VDAC1: variants seen among roughly 807,000 people sequenced by gnomAD.
VDAC1 encodes non-selective voltage-gated ion channel VDAC1.
A neutral mutation model predicts 34.7 loss-of-function variants in VDAC1; 10 were observed. The observed-to-expected ratio is 0.29, with a 90% confidence interval of 0.18 to 0.49. The LOEUF (loss-of-function observed/expected upper bound fraction) is 0.49, where lower values mean the gene tolerates loss of function less well. Among genes scored for constraint, VDAC1 ranks in the 20% least tolerant of loss-of-function variants. The pLI is 0.99. For missense variants in VDAC1, 230 were observed against 347.9 expected (o/e 0.66, Z 2.69); for synonymous variants, 130 against 136.0 (o/e 0.96, Z 0.30).
At chr5:133,995,921 C>T (rs1753284023) in intron 1 of VDAC1, among the ~76,000 whole-genome samples, 1 of 152,202 alleles carries the variant, frequency 6.6e-6, no homozygotes, top group Admixed American at 6.5e-5. Flanking sequence ...CCCTGGCCCC[C>T]ACCCCTCCCA....
At chr5:134,013,726 T>G in the VDAC1 span, among the ~76,000 whole-genome samples, 21 of 152,130 alleles carry the variant, frequency 1.4e-4, no homozygotes, top group African/African-American at 5.1e-4. Flanking sequence ...GCAGATCACC[T>G]GAGGTCAGGA....
the VDAC1 span, among the ~76,000 whole-genome samples, chr5:134,056,910 A>C: frequency 1.3e-5 from 2 of 151,132 alleles, no homozygotes; most frequent in Admixed American, 1.3e-4. Flanking sequence ...CGAACTCCTG[A>C]ACTCAGGTGA....
intron 1 of VDAC1, among the ~76,000 whole-genome samples, chr5:134,002,745 G>C (rs534326241): frequency 3.3e-5 from 5 of 152,196 alleles, no homozygotes; most frequent in African/African-American, 1.2e-4. Flanking sequence ...CGGGTGGATT[G>C]CTTGAGGCCA....
chr5:134,094,082 T>TG, the VDAC1 span, among the ~76,000 whole-genome samples: 10 of 151,990 alleles, frequency 6.6e-5, no homozygotes, highest in Non-Finnish European at 1.3e-4. Context: ...AGCGGTGAAG[T>TG]GGGGGGCGGT....
At chr5:134,111,065 G>A in the VDAC1 span, among the ~76,000 whole-genome samples, 2 of 152,128 alleles carry the variant, frequency 1.3e-5, no homozygotes, top group African/African-American at 2.4e-5. Flanking sequence ...GGTTCATCTC[G>A]ACTGCACTCC....
At chr5:133,984,946 A>T (rs1752852144) in intron 5 of VDAC1, among the ~76,000 whole-genome samples, 1 of 152,196 alleles carries the variant, frequency 6.6e-6, no homozygotes. Context: ...AAAAATAAAT[A>T]AATAAAAATT....
At chr5:134,083,499 C>T in the VDAC1 span, among the ~76,000 whole-genome samples, 2 of 152,164 alleles carry the variant, frequency 1.3e-5, no homozygotes, top group Non-Finnish European at 2.9e-5. Flanking sequence ...CAAGCCTATG[C>T]TTTTAAATGT....
At chr5:134,091,742 G>A in the VDAC1 span, among the ~76,000 whole-genome samples, 16 of 152,366 alleles carry the variant, frequency 1.1e-4, no homozygotes, top group South Asian at 6.2e-4. Context: ...CACTGACCAC[G>A]TGGGTCCTGA....
rs1034433960 is a variant in VDAC1, at chr5:133,987,549, A to G, written c.323+3306T>C. Among the ~76,000 whole-genome samples the G allele has an allele frequency of 1.5e-4, 22 of 149,826 alleles. No individual in the cohort carries two copies. In the South Asian group the frequency reaches 1.5e-3, roughly 10 times the overall value. On this transcript the variant is annotated intron_variant, in intron 5 of 8. Coordinates refer to ENST00000265333, the MANE Select transcript of VDAC1 (RefSeq NM_003374.3). The stretch of plus-strand genomic sequence containing the variant: ...AAAAATTAGCTGGGCTTGGTGGCAC[A>G]CGCCTGTGGTCCCAGCTACTTGGGA...
At chr5:134,017,452 A>T in the VDAC1 span, among the ~76,000 whole-genome samples, 1 of 151,328 alleles carries the variant, frequency 6.6e-6, no homozygotes. Flanking sequence ...GCGAAACTCC[A>T]TCTCAAAAAA....
chr5:133,991,294 T>C (rs1393661175), intron 3 of VDAC1, 140 bp from the exon 4 acceptor site: 10 of 1,060,878 alleles, frequency 9.4e-6, no homozygotes, highest in South Asian at 6.4e-5. Context: ...ACAATTCAAA[T>C]AGATATTTAA....
the VDAC1 span, among the ~76,000 whole-genome samples, chr5:134,050,742 T>C: frequency 2.0e-5 from 3 of 152,322 alleles, no homozygotes; most frequent in Non-Finnish European, 4.4e-5. Context: ...AAGTGGAATA[T>C]TAAAAACATG....
the VDAC1 span, among the ~76,000 whole-genome samples, chr5:134,036,767 CA>C: frequency 6.6e-6 from 1 of 151,714 alleles, no homozygotes; most frequent in Non-Finnish European, 1.5e-5. Context: ...TCCTGGCTAA[CA>C]CAGTGAAACC....
intron 8 of VDAC1, among the ~76,000 whole-genome samples, chr5:133,973,236 C>T (rs1752363640): frequency 6.6e-6 from 1 of 152,220 alleles, no homozygotes; most frequent in Non-Finnish European, 1.5e-5. Context: ...CTTACATGTT[C>T]ATGTTCATAG....
the VDAC1 span, among the ~76,000 whole-genome samples, chr5:134,026,640 C>A: frequency 1.3e-5 from 2 of 152,176 alleles, no homozygotes; most frequent in African/African-American, 4.8e-5. Flanking sequence ...TTCCCTGGCC[C>A]AGTCTTAGAG....
chr5:134,034,731 G>A, the VDAC1 span, among the ~76,000 whole-genome samples: 1 of 152,142 alleles, frequency 6.6e-6, no homozygotes, highest in African/African-American at 2.4e-5. Flanking sequence ...GACCGAGCTG[G>A]TGAATAAACA....
chr5:134,032,997 TG>T, the VDAC1 span, among the ~76,000 whole-genome samples: 1 of 145,304 alleles, frequency 6.9e-6, no homozygotes, highest in African/African-American at 2.6e-5. Flanking sequence ...CACTCCAGCC[TG>T]GGGGCAGAGT....
chr5:134,054,753 G>C, the VDAC1 span, among the ~76,000 whole-genome samples: 43 of 152,100 alleles, frequency 2.8e-4, no homozygotes, highest in African/African-American at 1.0e-3. Context: ...GAGCCACCTC[G>C]CCCAACTGGA....
the VDAC1 span, among the ~76,000 whole-genome samples, chr5:134,042,351 C>T: frequency 2.0e-5 from 3 of 152,162 alleles, no homozygotes; most frequent in Non-Finnish European, 4.4e-5. Flanking sequence ...ACCTCACGGC[C>T]CCCACCCATC....
Sources: allele counts gnomAD v4.1 joint callset (sites outside exome capture counted in the v4.1 genomes callset), GRCh38; gene constraint gnomAD v4.1.1; transcripts MANE v1.5; gene names NCBI Gene and HGNC (gene_info 2026-07-23, HGNC 2026-07-21).